ATP10B: variants seen among roughly 807,000 people sequenced by gnomAD.
ATP10B encodes the protein ATPase phospholipid transporting 10B (putative).
ATP10B carries 122 observed loss-of-function variants against 141.2 expected under a neutral mutation model. The observed-to-expected ratio is 0.86, with a 90% CI of 0.75 to 1.00. The LOEUF (loss-of-function observed/expected upper bound fraction) is 1.00. Ranked by LOEUF, ATP10B falls within the 50% of genes least tolerant of loss-of-function variation. The pLI is 0.00. For synonymous variants in ATP10B, 685 were observed against 692.0 expected, an observed-to-expected ratio of 0.99 and a Z score of 0.16; for missense variants, 1,876 against 1,825.3, an observed-to-expected ratio of 1.03 and a Z score of -0.51.
chr5:160,722,412 TC>T (rs1412418646), intron 2 of ATP10B, among the ~76,000 whole-genome samples: 1 of 152,214 alleles, frequency 6.6e-6, no homozygotes, highest in Non-Finnish European at 1.5e-5. Context: ...CCTATATTCT[TC>T]CCACTGGGTT....
chr5:160,694,159 CTT>C (rs1440851577), intron 3 of ATP10B, among the ~76,000 whole-genome samples: 1 of 152,180 alleles, frequency 6.6e-6, no homozygotes, highest in Middle Eastern at 3.2e-3. Context: ...AGAGGCAGCT[CTT>C]TGACCCACTG....
chr5:160,688,165 C>T lies in ATP10B; in HGVS notation c.-20-71G>A, dbSNP rs944391888. On this transcript the variant is annotated intron_variant, in intron 4 of 25. Transcript: ENST00000327245. ...CATGTTGGCCTGTTCATTTCTCCCC[C>T]ATCCATGCAGGGTAGACACTGAAAG... 8 of 1,478,428 alleles carry T rather than the reference C, an allele frequency of 5.4e-6. No individual in the cohort carries two copies. In the African/African-American group the frequency reaches 9.7e-5, roughly 18 times the overall value. 91.6% of individuals were successfully genotyped at this position (1,478,428 alleles called of 1,614,324 possible). A position where few individuals can be genotyped will look rare whatever the true frequency, so the allele number is the denominator to read the frequency against.
At chr5:160,854,252 G>A (rs565404083), upstream of ATP10B, among the ~76,000 whole-genome samples, 2 of 152,122 alleles carry the variant, frequency 1.3e-5, no homozygotes, top group South Asian at 2.1e-4. Context: ...AGGTATACAC[G>A]TGCCATGGTG....
chr5:160,631,807 T>C (rs1035154621), intron 13 of ATP10B, among the ~76,000 whole-genome samples: 1 of 152,144 alleles, frequency 6.6e-6, no homozygotes, highest in Non-Finnish European at 1.5e-5. Context: ...GTCTAAGAGT[T>C]AGGGACCTCT....
At chr5:160,608,680 G>C (rs1757540017) in intron 18 of ATP10B, among the ~76,000 whole-genome samples, 1 of 152,222 alleles carries the variant, frequency 6.6e-6, no homozygotes, top group Non-Finnish European at 1.5e-5. Flanking sequence ...CTGATGGCCA[G>C]TGATGATGAG....
the ATP10B span, among the ~76,000 whole-genome samples, chr5:160,872,717 C>A: frequency 1.1e-4 from 17 of 152,154 alleles, no homozygotes; most frequent in African/African-American, 3.9e-4. Flanking sequence ...GTTCTCTATT[C>A]TTTTCCATTG....
At chr5:160,702,935 T>C (rs941668743) in intron 3 of ATP10B, among the ~76,000 whole-genome samples, 1 of 152,240 alleles carries the variant, frequency 6.6e-6, no homozygotes, top group African/African-American at 2.4e-5. Flanking sequence ...TTTTTATTCT[T>C]ACCTAACCCT....
chr5:160,717,149 G>C (rs1321873302), intron 2 of ATP10B, 115 bp from the exon 3 acceptor site: 2 of 701,482 alleles, frequency 2.9e-6, no homozygotes, highest in Admixed American at 6.3e-5. Flanking sequence ...ATATTGTTTT[G>C]AATTTTACAT....
At chr5:160,819,703 T>C (rs1454735057) in intron 1 of ATP10B, among the ~76,000 whole-genome samples, 1 of 152,134 alleles carries the variant, frequency 6.6e-6, no homozygotes, top group Non-Finnish European at 1.5e-5. Context: ...ATGTGGAGTT[T>C]TTATTAGTTT....
chr5:160,595,199 G>C (rs891507146), intron 22 of ATP10B, among the ~76,000 whole-genome samples: 65 of 152,214 alleles, frequency 4.3e-4, no homozygotes, highest in African/African-American at 1.5e-3. Flanking sequence ...GTCTCTCAGA[G>C]CACAGTGCAA....
At chr5:160,882,093 G>C in the ATP10B span, among the ~76,000 whole-genome samples, 117 of 152,266 alleles carry the variant, frequency 7.7e-4, no homozygotes, top group Non-Finnish European at 1.3e-3. Flanking sequence ...CCATTGGAAG[G>C]GGGAGGAGGA....
intron 3 of ATP10B, among the ~76,000 whole-genome samples, chr5:160,696,278 T>A (rs1411278436): frequency 1.3e-5 from 2 of 152,000 alleles, no homozygotes; most frequent in Admixed American, 1.3e-4. Context: ...GGCAAAATTT[T>A]TTGTGTTTTT....
At chr5:160,908,110 A>G in the ATP10B span, among the ~76,000 whole-genome samples, 16 of 152,348 alleles carry the variant, frequency 1.1e-4, no homozygotes, top group African/African-American at 2.9e-4. Context: ...TGACCAATGC[A>G]TTAGCAGGGC....
intron 18 of ATP10B, 109 bp downstream of exon 18, chr5:160,612,632 G>A: frequency 1.1e-6 from 1 of 903,074 alleles, no homozygotes; most frequent in Non-Finnish European, 1.7e-6. Flanking sequence ...TTGGGGGTTG[G>A]GTGCTTCCCT....
chr5:160,654,285 G>T (rs777666300), intron 7 of ATP10B, among the ~76,000 whole-genome samples: 83 of 151,808 alleles, frequency 5.5e-4, no homozygotes, highest in Non-Finnish European at 1.1e-3. Flanking sequence ...TTTTAACCTT[G>T]TTCAGGAGTT....
chr5:160,820,998 C>T (rs1774060595), intron 1 of ATP10B, among the ~76,000 whole-genome samples: 5 of 152,014 alleles, frequency 3.3e-5, no homozygotes. Flanking sequence ...AGGATGTCTA[C>T]TTTCACCTAG....
At chr5:160,770,774 G>A (rs1176525989) in intron 2 of ATP10B, among the ~76,000 whole-genome samples, 4 of 152,172 alleles carry the variant, frequency 2.6e-5, no homozygotes, top group Non-Finnish European at 5.9e-5. Flanking sequence ...ATAGTATTAA[G>A]TAAATCACTG....
intron 3 of ATP10B, among the ~76,000 whole-genome samples, chr5:160,697,689 A>T (rs1764452535): frequency 6.6e-6 from 1 of 152,206 alleles, no homozygotes; most frequent in Non-Finnish European, 1.5e-5. Context: ...AACCACCTAA[A>T]ATAAAATTAA....
At chr5:160,615,699 T>G in intron 17 of ATP10B, 139 bp downstream of exon 17, 1 of 1,074,744 alleles carries the variant, frequency 9.3e-7, no homozygotes, top group Non-Finnish European at 1.3e-6. Flanking sequence ...ATGGCCCATT[T>G]GTGCCAAATA....
Sources: allele counts gnomAD v4.1 joint callset (sites outside exome capture counted in the v4.1 genomes callset), GRCh38; gene constraint gnomAD v4.1.1; transcripts MANE v1.5; gene names NCBI Gene and HGNC (gene_info 2026-07-23, HGNC 2026-07-21).